The following LDLRAD4 variants were observed in gnomAD, a reference collection of about 807,000 sequenced individuals.
LDLRAD4 encodes the protein low-density lipoprotein receptor class A domain-containing protein 4.
In LDLRAD4, 5 loss-of-function variants were observed where a neutral mutation model predicts 17.0. The observed-to-expected ratio is 0.29, with a 90% CI of 0.15 to 0.62. The LOEUF is 0.62. Ranked by LOEUF, LDLRAD4 falls within the 20% of genes least tolerant of loss-of-function variation. The pLI is 0.84. For missense variants in LDLRAD4, 340 were observed against 424.7 expected (o/e 0.80, Z 1.75); for synonymous variants, 168 against 171.8 (o/e 0.98, Z 0.17).
At chr18:13,417,308 A>T (rs1237204849) in intron 2 of LDLRAD4, among the ~76,000 whole-genome samples, 1 of 152,218 alleles carries the variant, frequency 6.6e-6, no homozygotes, top group Non-Finnish European at 1.5e-5. Context: ...CATAAGGCTC[A>T]TACAAAAATT....
chr18:13,639,712 A>G (rs576556753), intron 4 of LDLRAD4, among the ~76,000 whole-genome samples: 17 of 152,292 alleles, frequency 1.1e-4, no homozygotes, highest in South Asian at 4.2e-4. Context: ...TAATGTCCCC[A>G]TGTACTGTGT....
intron 1 of LDLRAD4, among the ~76,000 whole-genome samples, chr18:13,321,357 G>A (rs921345918): frequency 5.3e-5 from 8 of 152,302 alleles, no homozygotes; most frequent in Admixed American, 4.6e-4. Context: ...GCCTATCGCC[G>A]TGTGATGTTT....
chr18:13,347,208 A>G (rs1599575636), intron 1 of LDLRAD4, among the ~76,000 whole-genome samples: 1 of 152,172 alleles, frequency 6.6e-6, no homozygotes. Flanking sequence ...AGTGGCTGGT[A>G]CTGGTTGTTC....
At chr18:13,327,423 A>G (rs1051273374) in intron 1 of LDLRAD4, among the ~76,000 whole-genome samples, 1 of 152,076 alleles carries the variant, frequency 6.6e-6, no homozygotes, top group Non-Finnish European at 1.5e-5. Flanking sequence ...GAAAAGTTGG[A>G]TAAGGACTGG....
chr18:13,282,052 C>T (rs1275095600), intron 1 of LDLRAD4, among the ~76,000 whole-genome samples: 3 of 152,214 alleles, frequency 2.0e-5, no homozygotes, highest in East Asian at 1.9e-4. Context: ...AAGCGGAAAC[C>T]CTTGATAAAC....
intron 1 of LDLRAD4, among the ~76,000 whole-genome samples, chr18:13,323,926 T>C (rs918114670): frequency 1.8e-3 from 20 of 11,242 alleles, no homozygotes; most frequent in African/African-American, 2.0e-3. Context: ...ATTAGCCGGG[T>C]GTGGTGTCAC....
At chr18:13,514,369 A>G (rs1306624345) in intron 3 of LDLRAD4, among the ~76,000 whole-genome samples, 2 of 152,242 alleles carry the variant, frequency 1.3e-5, no homozygotes, top group Non-Finnish European at 2.9e-5. Flanking sequence ...AGTGTCTAGC[A>G]TATAATAAAT....
rs2093779757 is a variant in LDLRAD4, at chr18:13,511,578, A to T, written c.181+73194A>T. On this transcript the variant is annotated intron_variant, in intron 3 of 5. Transcript: ENST00000359446. ...ATAGAAAATGGGCATATTCTTTGAA[A>T]ATTATGGGTAAAGAAAGGAAATATA... is the stretch of plus-strand genomic sequence containing the variant. Among the ~76,000 whole-genome samples the T allele has an allele frequency of 2.6e-5, 4 of 152,204 alleles. No homozygotes were observed. In the South Asian group the frequency reaches 8.3e-4, roughly 32 times the overall value.
chr18:13,313,749 G>A (rs1234548619), intron 1 of LDLRAD4, among the ~76,000 whole-genome samples: 1 of 152,128 alleles, frequency 6.6e-6, no homozygotes, highest in Non-Finnish European at 1.5e-5. Flanking sequence ...GGACAGTGAC[G>A]GTTTCTGCCT....
chr18:13,380,042 C>T (rs1049562406), intron 1 of LDLRAD4, among the ~76,000 whole-genome samples: 84 of 150,150 alleles, frequency 5.6e-4, no homozygotes, highest in African/African-American at 1.8e-3. Flanking sequence ...ACAGTGGGAG[C>T]AGAACCTCTA....
At chr18:13,623,442 C>T (rs1016088389) in intron 4 of LDLRAD4, among the ~76,000 whole-genome samples, 20 of 152,322 alleles carry the variant, frequency 1.3e-4, no homozygotes, top group Admixed American at 8.5e-4. Flanking sequence ...TGCAGAGATC[C>T]GGCTGCACCG....
At chr18:13,307,267 G>C (rs10163824) in intron 1 of LDLRAD4, among the ~76,000 whole-genome samples, 23,991 of 152,044 alleles carry the variant, frequency 0.16, 3,562 homozygotes, top group African/African-American at 0.4. Context: ...TCTCTGCCCC[G>C]CCTGAGACAG....
At chr18:13,445,603 G>A (rs1455146418) in intron 3 of LDLRAD4, among the ~76,000 whole-genome samples, 6 of 151,402 alleles carry the variant, frequency 4.0e-5, no homozygotes, top group African/African-American at 1.5e-4. Context: ...TATGGTACAT[G>A]TATTCATGAG....
chr18:13,331,679 C>T (rs2081874789), intron 1 of LDLRAD4, among the ~76,000 whole-genome samples: 1 of 152,114 alleles, frequency 6.6e-6, no homozygotes. Context: ...TTATGTTTTG[C>T]CCTTAATGTT....
At chr18:13,244,522 TTC>T (rs1466424033) in intron 1 of LDLRAD4, among the ~76,000 whole-genome samples, 4 of 152,244 alleles carry the variant, frequency 2.6e-5, no homozygotes, top group African/African-American at 7.2e-5. Context: ...GCCCCAAGTT[TTC>T]TCTGTTACCT....
intron 3 of LDLRAD4, among the ~76,000 whole-genome samples, chr18:13,451,588 C>T (rs2091839645): frequency 1.3e-5 from 2 of 152,316 alleles, no homozygotes; most frequent in East Asian, 1.9e-4. Flanking sequence ...TATAGCAATG[C>T]AAGAGATGGC....
chr18:13,387,878 G>T (rs1169254847), intron 2 of LDLRAD4, 116 bp downstream of exon 3: 2 of 849,330 alleles, frequency 2.4e-6, no homozygotes, highest in Non-Finnish European at 4.0e-6. Context: ...GGCCAACGCA[G>T]TCAAGGGCTC....
At chr18:13,430,196 C>G (rs1176201969) in intron 2 of LDLRAD4, among the ~76,000 whole-genome samples, 1 of 152,218 alleles carries the variant, frequency 6.6e-6, no homozygotes, top group Non-Finnish European at 1.5e-5. Flanking sequence ...AACACCTGTG[C>G]ATCTGCCTCT....
At chr18:13,553,436 T>G (rs2094454085) in intron 3 of LDLRAD4, among the ~76,000 whole-genome samples, 1 of 152,246 alleles carries the variant, frequency 6.6e-6, no homozygotes, top group African/African-American at 2.4e-5. Flanking sequence ...AAAATATGTC[T>G]GTAAACCGCC....
Sources: gnomAD v4.1 joint callset for allele counts (sites outside exome capture counted in the v4.1 genomes callset) on GRCh38, gnomAD v4.1.1 for gene constraint, MANE v1.5 for transcripts, NCBI Gene and HGNC (gene_info 2026-07-23, HGNC 2026-07-21) for gene names.